The following ZFC3H1 variants were observed in gnomAD, a reference collection of about 807,000 sequenced individuals.
ZFC3H1 encodes zinc finger C3H1 domain-containing protein.
In ZFC3H1, 71 loss-of-function variants were observed where a neutral mutation model predicts 243.7. The observed-to-expected ratio is 0.29, with a 90% CI of 0.24 to 0.36. The LOEUF is 0.36. Ranked by LOEUF, ZFC3H1 falls within the 10% of genes least tolerant of loss-of-function variation. The probability of loss-of-function intolerance (pLI) is 1.00; values close to 1 mark genes in which losing one functional copy is unlikely to be tolerated. For synonymous variants in ZFC3H1, 838 were observed against 813.0 expected (o/e 1.03, Z -0.52); for missense variants, 1,966 against 2,317.1 (o/e 0.85, Z 3.11).
Position 71,623,241 on chromosome 12 carries a change from C to A in ZFC3H1, c.4744+119G>T, listed in dbSNP as rs77553272. 1,007 of 856,660 alleles carry A rather than the reference C, an allele frequency of 1.2e-3. 1 individual carries two copies. Among genetic ancestry groups the A allele is most frequent in the Middle Eastern group, 1.8e-3 (5 of 2,758 alleles). The allele number at this position is 856,660 out of a possible 1,614,324, so 53.1% of individuals were successfully genotyped here. Reference sequence around the variant, plus strand: ...TAATAAATTGTGAAACTAAAACTTGCAATATAGAGATATAAATTTGTTCCA... The same window carrying A: ...TAATAAATTGTGAAACTAAAACTTGAAATATAGAGATATAAATTTGTTCCA... On this transcript the variant is annotated intron_variant, in intron 24 of 34. Coordinates refer to ENST00000378743, the MANE Select transcript of ZFC3H1 (RefSeq NM_144982.5).
At chr12:71,636,816 G>A in intron 8 of ZFC3H1, 34 bp downstream of exon 8, 1 of 1,608,076 alleles carries the variant, frequency 6.2e-7, no homozygotes. Context: ...CTAAGCTCAA[G>A]AGCACCACCT....
At chr12:71,635,034 G>GA (rs1565816217) in intron 10 of ZFC3H1, among the ~76,000 whole-genome samples, 2 of 152,068 alleles carry the variant, frequency 1.3e-5, no homozygotes, top group African/African-American at 4.8e-5. Context: ...TCTACAGTCT[G>GA]AAAATCATTG....
Position 71,613,455 on chromosome 12 carries a change from C to T in ZFC3H1, c.5527-20G>A, listed in dbSNP as rs764597008. On this transcript the variant is annotated intron_variant, in intron 30 of 34. Coordinates refer to ENST00000378743, the MANE Select transcript of ZFC3H1 (RefSeq NM_144982.5). ...AATAACCTGTAAAGGTTGAGGGGGG[C>T]GAAAAATGAATGCAACCAAAATGTG... 89 of 1,534,654 alleles carry T rather than the reference C, an allele frequency of 5.8e-5. No homozygotes were observed. Among genetic ancestry groups the T allele is most frequent in the African/African-American group, 2.8e-5 (2 of 72,182 alleles).
At chr12:71,632,819 T>C (rs1000317736) in intron 14 of ZFC3H1, 67 bp downstream of exon 14, 3 of 1,581,416 alleles carry the variant, frequency 1.9e-6, no homozygotes, top group African/African-American at 2.8e-5. Flanking sequence ...TATATACATC[T>C]TACCCTTAAA....
chr12:71,639,124 T>C (rs1880538389), intron 6 of ZFC3H1, among the ~76,000 whole-genome samples: 1 of 152,184 alleles, frequency 6.6e-6, no homozygotes, highest in African/African-American at 2.4e-5. Flanking sequence ...TGGTAGCAGA[T>C]AAAAATAATT....
At position 71,611,060 on chromosome 12, in the gene ZFC3H1, C is replaced by A; in HGVS notation, c.5767G>T (p.Glu1923Ter). ...AAEIVLKGQR[E>*]VHRLYQRALQ... ...TCTGAGATTCAACCATGGCTTACCT[C>A]TCTTTGTCCCTTTAGAACAATCTCA... The change falls in exon 33 of 35, where the codon GAG becomes TAG. Residue 1923 changes from glutamate to a stop codon, truncating the protein, a stop_gained and splice_region_variant. Transcript: ENST00000378743. LOFTEE classifies it high-confidence loss of function. 1.3e-6 allele frequency: 2 copies of A among 1,594,332 alleles called. No individual in the cohort carries two copies. Among genetic ancestry groups the A allele is most frequent in the Non-Finnish European group, 1.7e-6 (2 of 1,173,524 alleles).
chr12:71,610,641 T>C, intron 34 of ZFC3H1, 54 bp downstream of exon 34: 2 of 1,612,224 alleles, frequency 1.2e-6, no homozygotes, highest in Non-Finnish European at 8.5e-7. Context: ...ATATGGCACA[T>C]GCAGAAAATT....
In ZFC3H1 at chr12:71,631,019, CTT is replaced by C; in HGVS notation, c.3471-67_3471-66del. Reference sequence around the variant, plus strand: ...AACATTCCTCAGAAAACTAAGAAAACTTTAGTTTTTCTTTCTCAAGTTAAAAT... The same window carrying C: ...AACATTCCTCAGAAAACTAAGAAAACTAGTTTTTCTTTCTCAAGTTAAAAT... On this transcript the variant is annotated intron_variant, in intron 16 of 34. Transcript: ENST00000378743. The C allele has an allele frequency of 2.1e-6, 3 of 1,428,912 alleles. No individual in the cohort carries two copies. In the South Asian group the frequency reaches 5.0e-5, roughly 24 times the overall value. The allele number at this position is 1,428,912 out of a possible 1,614,324, so 88.5% of individuals were successfully genotyped here.
chr12:71,636,985 T>C lies in ZFC3H1; in HGVS notation c.1800A>G (p.Pro600=), dbSNP rs1282201797. The stretch of plus-strand genomic sequence containing the variant: ...GATCTTCAGGTGGGAGAGGTGGTAA[T>C]GGTGGTAGAGGAGGTAGAGGTTCAA... ...VSLEPLPPLP[P]LPPLPPEDPE... Residue 600 remains proline, a synonymous_variant, in exon 8 of 35, where the codon CCA becomes CCG. Transcript: ENST00000378743. The C allele has an allele frequency of 1.2e-5, 19 of 1,614,016 alleles. No homozygotes were observed. Among genetic ancestry groups the C allele is most frequent in the Middle Eastern group, 1.7e-4 (1 of 6,060 alleles).
intron 32 of ZFC3H1, 160 bp from the exon 33 acceptor site, chr12:71,611,257 C>A: frequency 3.2e-6 from 2 of 626,294 alleles, no homozygotes; most frequent in Non-Finnish European, 4.6e-6. Context: ...AGGAGGAAAA[C>A]CTATAGTGAA....
rs376343315 is a variant in ZFC3H1 at position 71,627,894 on chromosome 12, A to G, written c.3987T>C (p.Asp1329=). The G allele has an allele frequency of 2.5e-4, 406 of 1,613,126 alleles. No individual in the cohort carries two copies. The highest frequency in any genetic ancestry group is 3.1e-4 in the Non-Finnish European group (368 of 1,179,782). ...TGACATCATCTGGAGTGACAACTGTATCCAGAGCTGGAACATTTATTTGGT... is the reference window on the plus strand; with the variant it reads ...TGACATCATCTGGAGTGACAACTGTGTCCAGAGCTGGAACATTTATTTGGT... ...PENQINVPAL[D]TVVTPDDVRY... The change falls in exon 21 of 35, where the codon GAT becomes GAC. Residue 1329 remains aspartate (D), a synonymous_variant. Transcript: ENST00000378743.
intron 2 of ZFC3H1, among the ~76,000 whole-genome samples, chr12:71,652,671 T>C (rs1474255436): frequency 1.3e-5 from 2 of 152,192 alleles, no homozygotes; most frequent in East Asian, 1.9e-4. Context: ...TAACTCATAT[T>C]ATACTCCATG....
At chr12:71,624,025 A>C in intron 23 of ZFC3H1, 79 bp downstream of exon 23, 4 of 1,373,608 alleles carry the variant, frequency 2.9e-6, no homozygotes, top group Non-Finnish European at 3.9e-6. Context: ...TTCAACCATT[A>C]AATAATGCTA....
Position 71,656,901 on chromosome 12 carries a change from A to AGT in ZFC3H1, c.997_998dup (p.Thr334LeufsTer15). On this transcript the variant is annotated frameshift_variant, in exon 2 of 35. Coordinates refer to ENST00000378743, the MANE Select transcript of ZFC3H1 (RefSeq NM_144982.5). LOFTEE classifies it high-confidence loss of function. ...TTCCATTACCTTGACTAGAATCAGT[A>AGT]GTGTCGGATTTCAGGGAAAGTGGTT... The AGT allele has an allele frequency of 6.2e-7, 1 of 1,612,164 alleles. No homozygotes were observed. The highest frequency in any genetic ancestry group is 8.5e-7 in the Non-Finnish European group (1 of 1,179,228).
intron 6 of ZFC3H1, among the ~76,000 whole-genome samples, chr12:71,642,094 C>T (rs1026379308): frequency 2.0e-5 from 3 of 152,204 alleles, no homozygotes; most frequent in Non-Finnish European, 4.4e-5. Flanking sequence ...AAGCAATCTG[C>T]CCACCTCAGC....
intron 6 of ZFC3H1, 61 bp downstream of exon 6, chr12:71,642,375 T>C (rs1002004270): frequency 6.5e-7 from 1 of 1,535,088 alleles, no homozygotes; most frequent in Non-Finnish European, 8.8e-7. Flanking sequence ...TTGAGTACCA[T>C]AATGACTATT....
rs1228137515 is a variant in ZFC3H1 at position 71,645,211 on chromosome 12, T to A, written c.1081-136A>T. On this transcript the variant is annotated intron_variant, in intron 3 of 34. Coordinates refer to ENST00000378743, the MANE Select transcript of ZFC3H1 (RefSeq NM_144982.5). ...ACAAGGCAAATACAGATAAAATAAG[T>A]AAACTAATTTACTTCCCACAGCCTG... is the stretch of plus-strand genomic sequence containing the variant. 6.6e-6 allele frequency: 5 copies of A among 754,814 alleles called. No individual in the cohort carries two copies. The East Asian group carries it at 8.2e-5, about 12-fold the overall frequency. 46.8% of individuals were successfully genotyped at this position (754,814 alleles called of 1,614,324 possible).
intron 11 of ZFC3H1, 36 bp downstream of exon 11, chr12:71,634,668 A>T: frequency 6.4e-7 from 1 of 1,561,478 alleles, no homozygotes; most frequent in Non-Finnish European, 8.6e-7. Flanking sequence ...AAAACATCAC[A>T]TACTTTTAAT....
chr12:71,642,295 A>T, intron 6 of ZFC3H1, 141 bp downstream of exon 6: 1 of 915,362 alleles, frequency 1.1e-6, no homozygotes, highest in Non-Finnish European at 1.5e-6. Context: ...TATTTACAAC[A>T]ACAAATAATG....
Sources: allele counts gnomAD v4.1 joint callset (sites outside exome capture counted in the v4.1 genomes callset), GRCh38; gene constraint gnomAD v4.1.1; transcripts MANE v1.5; gene names NCBI Gene and HGNC (gene_info 2026-07-23, HGNC 2026-07-21).